The following SPAG17 variants were observed in gnomAD, a reference collection of about 807,000 sequenced individuals.
SPAG17 encodes sperm-associated antigen 17.
SPAG17 carries 169 observed loss-of-function variants against 273.6 expected under a neutral mutation model. The ratio of observed to expected loss-of-function variants is 0.62; its 90% CI spans 0.55 to 0.70. SPAG17 has a LOEUF of 0.70. SPAG17 is among the 30% of genes least tolerant of loss of function. The pLI is 0.00. For synonymous variants in SPAG17, 825 were observed against 873.2 expected, an observed-to-expected ratio of 0.94 and a Z score of 0.97; for missense variants, 2,557 against 2,627.8, an observed-to-expected ratio of 0.97 and a Z score of 0.59.
At chr1:118,041,754 C>T in intron 21 of SPAG17, 49 bp downstream of exon 21, 1 of 1,569,986 alleles carries the variant, frequency 6.4e-7, no homozygotes, top group Non-Finnish European at 8.6e-7. Context: ...TTTCCCAAAA[C>T]AATTAGGAAT....
intron 3 of SPAG17, among the ~76,000 whole-genome samples, chr1:118,141,548 A>G (rs1658682138): frequency 1.3e-5 from 2 of 152,238 alleles, no homozygotes; most frequent in Admixed American, 1.3e-4. Context: ...AATGAGCAAG[A>G]ACTTTTTAAT....
At chr1:118,093,058 G>GT in intron 8 of SPAG17, 98 bp downstream of exon 8, 1 of 1,292,942 alleles carries the variant, frequency 7.7e-7, no homozygotes, top group South Asian at 1.5e-5. Context: ...CTTAATGTAA[G>GT]TATTTATGTA....
rs372480181 is a variant in SPAG17, at chr1:118,081,646, T to C, written c.1763-4A>G. On this transcript the variant is annotated splice_region_variant and splice_polypyrimidine_tract_variant and intron_variant, in intron 13 of 48. Transcript: ENST00000336338. ...ACTTCATTCCAGCTCAAGACATCTG[T>C]AAGAAAGCAGAACCAGTGCTGCTGG... is the stretch of plus-strand genomic sequence containing the variant. The C allele has an allele frequency of 1.4e-5, 22 of 1,612,056 alleles. No homozygotes were observed. In the African/African-American group the frequency reaches 2.1e-4, roughly 16 times the overall value.
At chr1:118,161,084 G>T (rs997507611) in intron 1 of SPAG17, among the ~76,000 whole-genome samples, 8 of 152,224 alleles carry the variant, frequency 5.3e-5, no homozygotes, top group Admixed American at 5.2e-4. Context: ...AAATGTATAT[G>T]ATGTAACAAA....
intron 27 of SPAG17, 72 bp downstream of exon 27, chr1:118,025,166 A>G (rs1174769854): frequency 2.9e-6 from 4 of 1,391,390 alleles, no homozygotes; most frequent in Non-Finnish European, 4.0e-6. Context: ...CTGTTATAGA[A>G]CAGTTCCTTA....
At chr1:117,957,346 GT>G in intron 48 of SPAG17, 8 of 1,019,738 alleles carry the variant, frequency 7.8e-6, no homozygotes, top group Non-Finnish European at 1.1e-5. Flanking sequence ...GGAGGCTGAG[GT>G]GGGTGGATTG....
intron 1 of SPAG17, among the ~76,000 whole-genome samples, chr1:118,170,550 T>C (rs1347665443): frequency 1.3e-5 from 2 of 152,120 alleles, no homozygotes; most frequent in Non-Finnish European, 2.9e-5. Context: ...AGTCATCTAT[T>C]GAAGGTGTAT....
chr1:118,050,011 G>A (rs983618104), intron 20 of SPAG17, among the ~76,000 whole-genome samples: 1 of 152,158 alleles, frequency 6.6e-6, no homozygotes, highest in Non-Finnish European at 1.5e-5. Flanking sequence ...TGCATTAAGA[G>A]GCAAAATAGT....
Position 117,972,187 on chromosome 1 carries a change from C to A in SPAG17, c.6142-140G>T, listed in dbSNP as rs909991625. 75 of 751,650 alleles carry A rather than the reference C, an allele frequency of 1.0e-4. 1 individual carries two copies. The South Asian group carries it at 1.3e-3, about 13-fold the overall frequency. The allele number at this position is 751,650 out of a possible 1,614,324, so 46.6% of individuals were successfully genotyped here. Reference sequence around the variant, plus strand: ...TGTTTACAGTCTCATGTCATCCTTACAACAGTCCTGTGAGGACGTATTTTA... The same window carrying A: ...TGTTTACAGTCTCATGTCATCCTTAAAACAGTCCTGTGAGGACGTATTTTA... On this transcript the variant is annotated intron_variant, in intron 44 of 48. Coordinates refer to ENST00000336338, the MANE Select transcript of SPAG17 (RefSeq NM_206996.4).
intron 1 of SPAG17, among the ~76,000 whole-genome samples, chr1:118,160,884 G>C (rs1412317705): frequency 6.6e-6 from 1 of 152,178 alleles, no homozygotes; most frequent in Non-Finnish European, 1.5e-5. Flanking sequence ...AGATCTTCTA[G>C]GGAGCTGAGT....
chr1:117,970,257 T>C, intron 45 of SPAG17, 141 bp from the exon 46 acceptor site: 1 of 694,636 alleles, frequency 1.4e-6, no homozygotes, highest in Non-Finnish European at 2.3e-6. Flanking sequence ...AAAAACAACT[T>C]TAATATTCAA....
intron 1 of SPAG17, among the ~76,000 whole-genome samples, chr1:118,180,259 T>TAC (rs1251504676): frequency 6.6e-6 from 1 of 152,022 alleles, no homozygotes; most frequent in East Asian, 1.9e-4. Context: ...CACAATGAAA[T>TAC]ACTATTCAGC....
intron 3 of SPAG17, among the ~76,000 whole-genome samples, chr1:118,133,950 C>G (rs1204744789): frequency 1.3e-5 from 2 of 152,050 alleles, no homozygotes; most frequent in Non-Finnish European, 2.9e-5. Context: ...CACAGCCAAT[C>G]AAAATATGAT....
chr1:118,085,538 G>GCACACA (rs372317004), intron 13 of SPAG17, among the ~76,000 whole-genome samples: 5 of 149,604 alleles, frequency 3.3e-5, no homozygotes, highest in East Asian at 1.9e-4. Context: ...GTGCGCGCGC[G>GCACACA]CACACACACA....
intron 1 of SPAG17, among the ~76,000 whole-genome samples, 162 bp from the exon 2 acceptor site, chr1:118,151,531 G>C (rs890412823): frequency 6.6e-6 from 1 of 152,208 alleles, no homozygotes; most frequent in South Asian, 2.1e-4. Flanking sequence ...TAGCCGCAAG[G>C]CGGCAGTATT....
intron 17 of SPAG17, among the ~76,000 whole-genome samples, chr1:118,067,951 G>A (rs919081426): frequency 7.2e-5 from 11 of 152,056 alleles, no homozygotes; most frequent in South Asian, 4.1e-4. Flanking sequence ...CATGCACTGC[G>A]GTGGTAGCTA....
At chr1:118,041,230 C>G (rs929319701) in intron 21 of SPAG17, among the ~76,000 whole-genome samples, 1 of 152,038 alleles carries the variant, frequency 6.6e-6, no homozygotes, top group African/African-American at 2.4e-5. Context: ...ACATTTTTTA[C>G]TGAGTGTTGC....
chr1:117,995,687 G>A (rs1023003342), intron 34 of SPAG17, among the ~76,000 whole-genome samples: 59 of 135,580 alleles, frequency 4.4e-4, no homozygotes, highest in African/African-American at 1.5e-3. Context: ...ACAGAAAAAA[G>A]ATGAAATAAC....
intron 3 of SPAG17, among the ~76,000 whole-genome samples, chr1:118,137,637 T>C (rs982899555): frequency 3.9e-5 from 6 of 152,262 alleles, no homozygotes; most frequent in African/African-American, 1.4e-4. Flanking sequence ...AAGTATTTAT[T>C]GAAGCAATAT....
Sources: gnomAD v4.1 joint callset for allele counts (sites outside exome capture counted in the v4.1 genomes callset) on GRCh38, gnomAD v4.1.1 for gene constraint, MANE v1.5 for transcripts, NCBI Gene and HGNC (gene_info 2026-07-23, HGNC 2026-07-21) for gene names.